Variants in DLG2 observed in about 807,000 individuals in gnomAD.
The protein encoded by DLG2 is discs large MAGUK scaffold protein 2.
A neutral mutation model predicts 132.5 loss-of-function variants in DLG2; 45 were observed. That is an observed-to-expected ratio of 0.34 (90% CI 0.27 to 0.44). The LOEUF (loss-of-function observed/expected upper bound fraction) is 0.44. Among genes scored for constraint, DLG2 ranks in the 20% least tolerant of loss-of-function variants. The probability of loss-of-function intolerance (pLI) is 1.00; values close to 1 mark genes in which losing one functional copy is unlikely to be tolerated. For missense variants in DLG2, 1,045 were observed against 1,196.9 expected (o/e 0.87, Z 1.87); for synonymous variants, 424 against 419.6 (o/e 1.01, Z -0.13).
At chr11:84,262,800 G>T (rs2097564464) in intron 7 of DLG2, among the ~76,000 whole-genome samples, 1 of 152,124 alleles carries the variant, frequency 6.6e-6, no homozygotes, top group Non-Finnish European at 1.5e-5. Flanking sequence ...TTTCTGAGTA[G>T]CTTCACATAG....
At chr11:84,942,734 G>A (rs954757815) in intron 6 of DLG2, among the ~76,000 whole-genome samples, 11 of 152,112 alleles carry the variant, frequency 7.2e-5, no homozygotes, top group African/African-American at 1.9e-4. Context: ...CGTGTATTAG[G>A]TCCATTTGGT....
intron 25 of DLG2, among the ~76,000 whole-genome samples, chr11:83,468,260 G>C (rs762238592): frequency 2.0e-5 from 3 of 152,132 alleles, no homozygotes; most frequent in Non-Finnish European, 4.4e-5. Flanking sequence ...CACTAAGATG[G>C]TTCAAGCCGT....
rs1222486667 is a variant in DLG2 at position 84,307,695 on chromosome 11, C to CAAAAAAAAAAAAAAAAAAAA, written c.520-56424_520-56405dup. 2.4e-3 allele frequency among the ~76,000 whole-genome samples: 189 copies of CAAAAAAAAAAAAAAAAAAAA among 77,940 alleles called. 2 individuals carry two copies. Among genetic ancestry groups the CAAAAAAAAAAAAAAAAAAAA allele is most frequent in the Non-Finnish European group, 3.2e-3 (123 of 38,418 alleles). The allele number at this position is 77,940 out of a possible 152,430, so 51.1% of individuals were successfully genotyped here. On this transcript the variant is annotated intron_variant, in intron 7 of 27. Transcript: ENST00000376104. ...TGGGTGAAAGAGCGAGACGCAGTCT[C>CAAAAAAAAAAAAAAAAAAAA]AAAAAAAAAAAAAAAAAAAAAGAAG...
At chr11:83,786,367 G>T in intron 18 of DLG2, 1 of 228,350 alleles carries the variant, frequency 4.4e-6, no homozygotes, top group Non-Finnish European at 8.8e-6. Context: ...TGCTTCTTAA[G>T]TCTTAACTGT....
At chr11:84,861,623 AAAAAAAAAAAAAAAAAC>A (rs1459783537) in intron 6 of DLG2, among the ~76,000 whole-genome samples, 13 of 89,002 alleles carry the variant, frequency 1.5e-4, no homozygotes, top group South Asian at 1.2e-3. Flanking sequence ...CACAGCAAAA[AAAAAAAAAAAAAAAAAC>A]AAAAAAAAAA....
chr11:85,126,670 A>G (rs2075153190), intron 5 of DLG2, among the ~76,000 whole-genome samples: 1 of 152,020 alleles, frequency 6.6e-6, no homozygotes, highest in Non-Finnish European at 1.5e-5. Context: ...CCTTGCAGAC[A>G]TTTGGTTGGA....
intron 7 of DLG2, among the ~76,000 whole-genome samples, chr11:84,298,746 A>T (rs1267507703): frequency 6.6e-6 from 1 of 152,318 alleles, no homozygotes; most frequent in Middle Eastern, 3.4e-3. Flanking sequence ...GAAAGATTTT[A>T]TCCAACACAG....
chr11:84,594,441 A>T (rs1418568044), intron 6 of DLG2, among the ~76,000 whole-genome samples: 1 of 152,240 alleles, frequency 6.6e-6, no homozygotes, highest in Admixed American at 6.5e-5. Flanking sequence ...GCCTCACCCA[A>T]AAAATGAAAC....
intron 3 of DLG2, among the ~76,000 whole-genome samples, chr11:85,561,771 T>G (rs505238): frequency 0.036 from 5,510 of 151,992 alleles, 224 homozygotes; most frequent in Middle Eastern, 0.082. Flanking sequence ...TCTCTAAGTC[T>G]TCTCACTGAA....
chr11:84,968,112 T>C (rs933833588), intron 6 of DLG2, among the ~76,000 whole-genome samples: 1 of 152,108 alleles, frequency 6.6e-6, no homozygotes, highest in African/African-American at 2.4e-5. Context: ...GTAAATATTC[T>C]AAATGTTCAA....
At chr11:85,084,235 G>T (rs963206739) in intron 6 of DLG2, among the ~76,000 whole-genome samples, 28 of 152,220 alleles carry the variant, frequency 1.8e-4, no homozygotes, top group African/African-American at 6.5e-4. Flanking sequence ...AGAATTTCTG[G>T]AGCAATGTTC....
At chr11:84,183,659 T>C (rs771411062) in intron 8 of DLG2, among the ~76,000 whole-genome samples, 5 of 152,134 alleles carry the variant, frequency 3.3e-5, no homozygotes, top group African/African-American at 1.2e-4. Flanking sequence ...ATGTGCCATG[T>C]TGGTGTGCTG....
intron 6 of DLG2, among the ~76,000 whole-genome samples, chr11:84,971,001 G>C (rs1269610188): frequency 6.6e-6 from 1 of 152,056 alleles, no homozygotes; most frequent in African/African-American, 2.4e-5. Flanking sequence ...AAATTACTTG[G>C]GGTATAAGGA....
At chr11:84,320,176 C>T (rs1336350620) in intron 7 of DLG2, among the ~76,000 whole-genome samples, 2 of 152,140 alleles carry the variant, frequency 1.3e-5, no homozygotes, top group Non-Finnish European at 2.9e-5. Flanking sequence ...CAGAGCAATG[C>T]CTAGATGAGA....
At chr11:83,719,331 G>A (rs184374864) in intron 18 of DLG2, among the ~76,000 whole-genome samples, 1 of 152,298 alleles carries the variant, frequency 6.6e-6, no homozygotes, top group Admixed American at 6.5e-5. Context: ...TTTTGATCTT[G>A]AGAGATTTGA....
chr11:85,108,508 T>G (rs181789631), intron 6 of DLG2, among the ~76,000 whole-genome samples: 22 of 152,098 alleles, frequency 1.4e-4, no homozygotes, highest in Non-Finnish European at 2.8e-4. Context: ...TCATAGTTTT[T>G]GGTTATATAA....
intron 4 of DLG2, among the ~76,000 whole-genome samples, chr11:85,266,555 C>G (rs1429487239): frequency 6.6e-6 from 1 of 151,640 alleles, no homozygotes; most frequent in East Asian, 1.9e-4. Context: ...ACATGTATAC[C>G]TATATAACAA....
At chr11:84,788,154 C>T (rs1232108131) in intron 6 of DLG2, among the ~76,000 whole-genome samples, 1 of 141,994 alleles carries the variant, frequency 7.0e-6, no homozygotes, top group Admixed American at 7.0e-5. Flanking sequence ...TCAATCTCCA[C>T]AAGACACATC....
At chr11:85,097,518 T>C (rs565200815) in intron 6 of DLG2, among the ~76,000 whole-genome samples, 37 of 152,284 alleles carry the variant, frequency 2.4e-4, no homozygotes, top group Non-Finnish European at 4.1e-4. Flanking sequence ...AAATGAATAA[T>C]GGTGATGAGC....
Sources: gnomAD v4.1 joint callset for allele counts (sites outside exome capture counted in the v4.1 genomes callset) on GRCh38, gnomAD v4.1.1 for gene constraint, MANE v1.5 for transcripts, NCBI Gene and HGNC (gene_info 2026-07-23, HGNC 2026-07-21) for gene names.